Variants in SCYL3 observed in about 807,000 individuals in gnomAD.
SCYL3 encodes protein-associating with the carboxyl-terminal domain of ezrin.
In SCYL3, 35 loss-of-function variants were observed where a neutral mutation model predicts 73.8. The ratio of observed to expected loss-of-function variants is 0.47; its 90% CI spans 0.36 to 0.63. The LOEUF is 0.63. Among genes scored for constraint, SCYL3 ranks in the 20% least tolerant of loss-of-function variants. SCYL3 has a pLI of 0.00. For missense variants in SCYL3, 712 were observed against 798.9 expected (o/e 0.89, Z 1.31); for synonymous variants, 277 against 295.2 (o/e 0.94, Z 0.63).
chr1:169,877,280 G>A (rs1016446651), intron 3 of SCYL3, among the ~76,000 whole-genome samples: 5 of 150,616 alleles, frequency 3.3e-5, no homozygotes, highest in African/African-American at 5.0e-5. Flanking sequence ...CTCAGTCTCC[G>A]GTGTAGGGGG....
chr1:169,876,478 T>A (rs1354519938), intron 3 of SCYL3, among the ~76,000 whole-genome samples: 1 of 152,220 alleles, frequency 6.6e-6, no homozygotes, highest in Non-Finnish European at 1.5e-5. Flanking sequence ...TTGCTTCCAA[T>A]GCCTTTAAAG....
rs190517636 is a variant in SCYL3, at chr1:169,852,408, T to C, written c.*1305A>G. 1 of 268,644 alleles carries C rather than the reference T, an allele frequency of 3.7e-6. No homozygotes were observed. 16.6% of individuals were successfully genotyped at this position (268,644 alleles called of 1,614,324 possible). A position where few individuals can be genotyped will look rare whatever the true frequency, so the allele number is the denominator to read the frequency against. ...AGCACTATTAGTATAGTAATTAGTA[T>C]AGTAGTAATTCATGAAGAACAACAT... On this transcript the variant is annotated 3_prime_UTR_variant, in exon 13 of 13. Transcript: ENST00000367771.
At position 169,851,059 on chromosome 1, in the gene SCYL3, T is replaced by C; in HGVS notation, c.*2654A>G. On this transcript the variant is annotated 3_prime_UTR_variant, in exon 13 of 13. Transcript: ENST00000367771. ...AGCTCAGGGCCCTTTTTTTTTTTTT[T>C]TTTTTTTTTTTTTTGGCATGGCTTT... 8.3e-6 allele frequency: 1 copy of C among 119,902 alleles called. No individual in the cohort carries two copies. The highest frequency in any genetic ancestry group is 3.0e-5 in the African/African-American group (1 of 33,578). 7.4% of individuals were successfully genotyped at this position (119,902 alleles called of 1,614,324 possible). A position where few individuals can be genotyped will look rare whatever the true frequency, so the allele number is the denominator to read the frequency against.
At chr1:169,876,877 C>T (rs1660869192) in intron 3 of SCYL3, among the ~76,000 whole-genome samples, 1 of 147,028 alleles carries the variant, frequency 6.8e-6, no homozygotes, top group Non-Finnish European at 1.5e-5. Flanking sequence ...ATGGCGTGAA[C>T]CCGGGAGGTG....
chr1:169,870,299 A>C lies in SCYL3; in HGVS notation c.581T>G (p.Phe194Cys). 2 of 1,613,804 alleles carry C rather than the reference A, an allele frequency of 1.2e-6. No individual in the cohort carries two copies. The highest frequency in any genetic ancestry group is 1.7e-6 in the Non-Finnish European group (2 of 1,179,830). ...CHGHARDAFS[F>C]GTLVESLLTI... ...GAGCAAACTTTCCACCAATGTTCCA[A>C]ATGAAAAGGCATCCCGGGCATGTCC... is the stretch of plus-strand genomic sequence containing the variant. The change falls in exon 6 of 13, where the codon TTT becomes TGT. Residue 194 changes from phenylalanine (F) to cysteine (C), a missense_variant. Around this residue, in one of 2 missense-constraint regions of SCYL3, gnomAD observed 342 missense variants for 448.1 expected, o/e 0.76. Transcript: ENST00000367771.
chr1:169,877,368 G>A (rs1660922439), intron 3 of SCYL3, among the ~76,000 whole-genome samples: 1 of 152,000 alleles, frequency 6.6e-6, no homozygotes, highest in Non-Finnish European at 1.5e-5. Flanking sequence ...ATGTTGCCCA[G>A]GCTGGTCTCA....
chr1:169,861,869 C>A (rs759909381), intron 10 of SCYL3, among the ~76,000 whole-genome samples: 1 of 152,160 alleles, frequency 6.6e-6, no homozygotes, highest in Non-Finnish European at 1.5e-5. Context: ...GCCATAAATT[C>A]AATGACTGGT....
rs559893226 is a variant in SCYL3 at position 169,880,123 on chromosome 1, A to C, written c.166-1304T>G. Among the ~76,000 whole-genome samples the C allele has an allele frequency of 3.0e-3, 450 of 152,006 alleles. 2 individuals are homozygous for C. The highest frequency in any genetic ancestry group is 0.01 in the African/African-American group (431 of 41,506). ...ATCTCATAAAGAAAAATTAAGAAAG[A>C]AAAAAAAGAGACCAGAGCCTCAGAC... On this transcript the variant is annotated intron_variant, in intron 2 of 12. Transcript: ENST00000367771.
intron 4 of SCYL3, among the ~76,000 whole-genome samples, 169 bp downstream of exon 4, chr1:169,875,809 G>A (rs1660755631): frequency 6.6e-6 from 1 of 152,208 alleles, no homozygotes; most frequent in African/African-American, 2.4e-5. Context: ...GACCCCCACT[G>A]CCTCTGAGGA....
At chr1:169,859,294 A>G in intron 10 of SCYL3, 82 bp from the exon 11 acceptor site, 1 of 1,339,826 alleles carries the variant, frequency 7.5e-7, no homozygotes, top group Non-Finnish European at 1.0e-6. Flanking sequence ...TTGGGCTGCA[A>G]ACAGATTGTG....
At chr1:169,856,789 T>C (rs1659211120) in intron 11 of SCYL3, among the ~76,000 whole-genome samples, 1 of 152,222 alleles carries the variant, frequency 6.6e-6, no homozygotes, top group Non-Finnish European at 1.5e-5. Context: ...CATCACCCTT[T>C]TCAAGCTCTT....
At chr1:169,878,593 C>T in intron 3 of SCYL3, 41 bp downstream of exon 3, 11 of 1,500,856 alleles carry the variant, frequency 7.3e-6, no homozygotes, top group Non-Finnish European at 9.1e-6. Flanking sequence ...CCACCCCCAT[C>T]TACATCAAAG....
intron 11 of SCYL3, chr1:169,855,976 TC>T: frequency 6.2e-7 from 1 of 1,605,634 alleles, no homozygotes; most frequent in Non-Finnish European, 8.5e-7. Flanking sequence ...AAATAAAAAC[TC>T]CAAAACATGA....
At chr1:169,882,530 G>A (rs1214992001) in intron 2 of SCYL3, among the ~76,000 whole-genome samples, 3 of 152,244 alleles carry the variant, frequency 2.0e-5, no homozygotes, top group Non-Finnish European at 4.4e-5. Flanking sequence ...AGCTCCACCT[G>A]CAGCCCCAGT....
At chr1:169,853,916 C>CT (rs1362215122) in intron 12 of SCYL3, 144 bp from the exon 13 acceptor site, 11 of 882,774 alleles carry the variant, frequency 1.2e-5, no homozygotes, top group Non-Finnish European at 1.9e-5. Flanking sequence ...ACTTAGAGCT[C>CT]TAACAGAAAG....
intron 8 of SCYL3, among the ~76,000 whole-genome samples, chr1:169,865,359 C>T (rs985580749): frequency 6.6e-6 from 1 of 152,176 alleles, no homozygotes; most frequent in Non-Finnish European, 1.5e-5. Context: ...CAAACCCCTA[C>T]ACCGCTATCA....
At position 169,852,790 on chromosome 1, in the gene SCYL3, C is replaced by A. The variant is rs200810095; in HGVS notation, c.*923G>T. ...GATATTACTTATGTTTTTTTTCCAG[C>A]CTTATGCAAAAAGAGCTCGTCAGGA... On this transcript the variant is annotated 3_prime_UTR_variant, in exon 13 of 13. Transcript: ENST00000367771. The A allele has an allele frequency of 9.9e-6, 16 of 1,612,212 alleles. No homozygotes were observed. Among genetic ancestry groups the A allele is most frequent in the Non-Finnish European group, 1.4e-5 (16 of 1,179,338 alleles).
At position 169,850,119 on chromosome 1, in the gene SCYL3, G is replaced by T; in HGVS notation, c.*3594C>A. On this transcript the variant is annotated 3_prime_UTR_variant, in exon 13 of 13. Transcript: ENST00000367771. The stretch of plus-strand genomic sequence containing the variant: ...TGTATTATCCTTAGGGACCCTGAAG[G>T]AATCATGAGTTTATCACCTTTGAGG... 1 of 603,584 alleles carries T rather than the reference G, an allele frequency of 1.7e-6. No individual in the cohort carries two copies. Among genetic ancestry groups the T allele is most frequent in the South Asian group, 2.1e-5 (1 of 48,584 alleles). 37.4% of individuals were successfully genotyped at this position (603,584 alleles called of 1,614,324 possible). A position where few individuals can be genotyped will look rare whatever the true frequency, so the allele number is the denominator to read the frequency against.
chr1:169,872,041 TG>T (rs1425270411), intron 5 of SCYL3, among the ~76,000 whole-genome samples: 1 of 152,212 alleles, frequency 6.6e-6, no homozygotes, highest in African/African-American at 2.4e-5. Flanking sequence ...TGCAGAAGTT[TG>T]CATAAGTAAT....
Sources: gnomAD v4.1 joint callset for allele counts (sites outside exome capture counted in the v4.1 genomes callset) on GRCh38, gnomAD v4.1.1 for gene constraint, gnomAD v4.1.1 regional missense constraint, MANE v1.5 for transcripts, NCBI Gene and HGNC (gene_info 2026-07-23, HGNC 2026-07-21) for gene names.